Variants in SDK1 observed in about 807,000 individuals in gnomAD.
The protein encoded by SDK1 is protein sidekick-1.
In SDK1, 157 loss-of-function variants were observed where a neutral mutation model predicts 245.5. The observed-to-expected ratio is 0.64, with a 90% CI of 0.56 to 0.73. SDK1 has a LOEUF of 0.73. SDK1 is among the 30% of genes least tolerant of loss of function. The pLI is 0.00. For synonymous variants in SDK1, 1,647 were observed against 1,278.5 expected, an observed-to-expected ratio of 1.29 and a Z score of -6.15; for missense variants, 3,583 against 3,002.3, an observed-to-expected ratio of 1.19 and a Z score of -4.52.
At chr7:4,013,880 C>G (rs1453911910) in intron 16 of SDK1, among the ~76,000 whole-genome samples, 2 of 152,336 alleles carry the variant, frequency 1.3e-5, no homozygotes, top group South Asian at 4.1e-4. Context: ...GCAGTTCTGT[C>G]CCCTCGGGGT....
intron 1 of SDK1, among the ~76,000 whole-genome samples, chr7:3,591,231 A>G (rs1465043440): frequency 6.6e-6 from 1 of 152,194 alleles, no homozygotes; most frequent in Admixed American, 6.5e-5. Context: ...GGCAGTTAGT[A>G]TAAGGATTAC....
At chr7:3,356,907 T>G (rs1780811928) in intron 1 of SDK1, among the ~76,000 whole-genome samples, 1 of 151,786 alleles carries the variant, frequency 6.6e-6, no homozygotes, top group Non-Finnish European at 1.5e-5. Context: ...AATATAAAAT[T>G]AGCTGGGCAT....
chr7:4,001,635 G>A (rs1288380427), intron 14 of SDK1, among the ~76,000 whole-genome samples: 1 of 152,228 alleles, frequency 6.6e-6, no homozygotes, highest in Non-Finnish European at 1.5e-5. Context: ...TTAATCCTGA[G>A]CTTGTAGACC....
chr7:3,489,269 A>G (rs1387465078), intron 1 of SDK1, among the ~76,000 whole-genome samples: 2 of 152,208 alleles, frequency 1.3e-5, no homozygotes, highest in Non-Finnish European at 2.9e-5. Context: ...AACAATGTGC[A>G]AACAATCCAC....
intron 1 of SDK1, among the ~76,000 whole-genome samples, chr7:3,499,078 A>G (rs1377526793): frequency 6.6e-6 from 1 of 152,238 alleles, no homozygotes. Context: ...ATACAAATGC[A>G]TTCAGTAAAG....
chr7:3,661,484 A>G (rs373254822), intron 4 of SDK1, among the ~76,000 whole-genome samples: 2 of 152,160 alleles, frequency 1.3e-5, no homozygotes, highest in Admixed American at 6.5e-5. Flanking sequence ...ATCACACGCT[A>G]TATGAATTTA....
rs897664979 is a variant in SDK1 at position 3,619,345 on chromosome 7, T to C, written c.458+106T>C. On this transcript the variant is annotated intron_variant, in intron 2 of 44. Transcript: ENST00000404826. ...ATGAGTGAAAATATTGGATTGAATT[T>C]CTAATGCATTCAAGATTAAAGGAAT... 5 of 876,726 alleles carry C rather than the reference T, an allele frequency of 5.7e-6. No individual in the cohort carries two copies. The African/African-American group carries it at 8.3e-5, about 15-fold the overall frequency. The allele number at this position is 876,726 out of a possible 1,614,324, so 54.3% of individuals were successfully genotyped here.
intron 5 of SDK1, among the ~76,000 whole-genome samples, chr7:3,901,031 C>T (rs191220918): frequency 6.6e-6 from 1 of 152,222 alleles, no homozygotes; most frequent in Admixed American, 6.5e-5. Context: ...AAAAACATCT[C>T]CTTACCCATA....
At chr7:3,645,611 C>T (rs1050440717) in intron 4 of SDK1, among the ~76,000 whole-genome samples, 52 of 152,142 alleles carry the variant, frequency 3.4e-4, no homozygotes, top group African/African-American at 1.3e-3. Flanking sequence ...AAAAGTTTAC[C>T]TGTTTAAAAA....
chr7:3,635,893 A>G (rs1432688378), intron 2 of SDK1, among the ~76,000 whole-genome samples: 2 of 152,206 alleles, frequency 1.3e-5, no homozygotes, highest in East Asian at 3.9e-4. Flanking sequence ...TTTTGTAGAG[A>G]GACGGTTCTG....
At chr7:3,669,415 C>G (rs1783628547) in intron 4 of SDK1, among the ~76,000 whole-genome samples, 1 of 152,140 alleles carries the variant, frequency 6.6e-6, no homozygotes, top group Non-Finnish European at 1.5e-5. Flanking sequence ...TACTTCTGCT[C>G]CCACCAAAAC....
intron 14 of SDK1, among the ~76,000 whole-genome samples, chr7:3,995,579 C>T (rs143438052): frequency 6.6e-6 from 1 of 152,236 alleles, no homozygotes; most frequent in Non-Finnish European, 1.5e-5. Context: ...ACTAATGCAA[C>T]TATCTAGAAG....
intron 16 of SDK1, among the ~76,000 whole-genome samples, chr7:4,016,605 C>A (rs1786418586): frequency 6.6e-6 from 1 of 152,206 alleles, no homozygotes; most frequent in Admixed American, 6.5e-5. Flanking sequence ...CCCAAGCACT[C>A]ACAGAGGTCT....
At chr7:3,472,427 T>A (rs115243367) in intron 1 of SDK1, among the ~76,000 whole-genome samples, 1 of 152,130 alleles carries the variant, frequency 6.6e-6, no homozygotes, top group Non-Finnish European at 1.5e-5. Context: ...AGGTTTACGA[T>A]CTAATTAGAG....
intron 19 of SDK1, among the ~76,000 whole-genome samples, chr7:4,058,304 C>G (rs1779323210): frequency 6.6e-6 from 1 of 151,804 alleles, no homozygotes; most frequent in Non-Finnish European, 1.5e-5. Flanking sequence ...GATGAGACAG[C>G]AGAAGGAATT....
At chr7:3,530,243 C>T (rs1313954446) in intron 1 of SDK1, among the ~76,000 whole-genome samples, 1 of 152,098 alleles carries the variant, frequency 6.6e-6, no homozygotes, top group Non-Finnish European at 1.5e-5. Context: ...AGAAACGACC[C>T]ATTTCAACTT....
At chr7:3,863,593 C>T (rs1309190834) in intron 5 of SDK1, among the ~76,000 whole-genome samples, 1 of 152,208 alleles carries the variant, frequency 6.6e-6, no homozygotes, top group Non-Finnish European at 1.5e-5. Flanking sequence ...CATCCTCCCT[C>T]TTCAGCATCC....
intron 21 of SDK1, 65 bp downstream of exon 21, chr7:4,077,254 G>T (rs1246880125): frequency 1.3e-6 from 2 of 1,492,770 alleles, no homozygotes; most frequent in East Asian, 2.4e-5. Context: ...GAGGCTAGAA[G>T]TTGATTGGCA....
chr7:3,926,802 T>G (rs912687227), intron 5 of SDK1, among the ~76,000 whole-genome samples: 2 of 152,236 alleles, frequency 1.3e-5, no homozygotes, highest in Non-Finnish European at 2.9e-5. Context: ...TGGCTTTGTG[T>G]TCAGGCTCAA....
Sources: allele counts gnomAD v4.1 joint callset (sites outside exome capture counted in the v4.1 genomes callset), GRCh38; gene constraint gnomAD v4.1.1; transcripts MANE v1.5; gene names NCBI Gene and HGNC (gene_info 2026-07-23, HGNC 2026-07-21).